Variants in DMAC2L observed in about 807,000 individuals in gnomAD.
The protein encoded by DMAC2L is ATP synthase subunit s, mitochondrial.
DMAC2L carries 21 observed loss-of-function variants against 22.5 expected under a neutral mutation model. The ratio of observed to expected loss-of-function variants is 0.93; its 90% CI spans 0.66 to 1.34. The LOEUF (loss-of-function observed/expected upper bound fraction) is 1.34. DMAC2L is among the 40% of genes most tolerant of loss of function. The pLI, the probability that DMAC2L is intolerant of heterozygous loss-of-function variation, is 0.00. For synonymous variants in DMAC2L, 86 were observed against 89.5 expected, an observed-to-expected ratio of 0.96 and a Z score of 0.22; for missense variants, 239 against 246.5, an observed-to-expected ratio of 0.97 and a Z score of 0.20.
At chr14:50,314,724 C>T (rs927783337) in intron 2 of DMAC2L, 98 bp downstream of exon 2, 1 of 431,962 alleles carries the variant, frequency 2.3e-6, no homozygotes, top group Non-Finnish European at 4.7e-6. Flanking sequence ...TCACTGCGGC[C>T]TCTGCCTCCT....
chr14:50,319,602 T>C (rs1275303264), intron 2 of DMAC2L, among the ~76,000 whole-genome samples: 1 of 152,220 alleles, frequency 6.6e-6, no homozygotes, highest in Admixed American at 6.5e-5. Flanking sequence ...AGTTACTTAA[T>C]ATCAGGGCTT....
rs142013816 is a variant in DMAC2L, at chr14:50,320,991, G to C, written c.-5-492G>C. Among the ~76,000 whole-genome samples the C allele has an allele frequency of 2.4e-3, 365 of 152,206 alleles. 1 individual carries two copies. The Middle Eastern group carries it at 0.065, about 27-fold the overall frequency. On this transcript the variant is annotated intron_variant, in intron 2 of 5. Transcript: ENST00000557421. ...CAGCTGCCCTTAAAACAGTTTTTTTGTTTACACTGCTCTGGTAACACCACT... is the reference window on the plus strand; with the variant it reads ...CAGCTGCCCTTAAAACAGTTTTTTTCTTTACACTGCTCTGGTAACACCACT...
At chr14:50,321,062 T>G (rs1413293657) in intron 2 of DMAC2L, among the ~76,000 whole-genome samples, 2 of 152,184 alleles carry the variant, frequency 1.3e-5, no homozygotes, top group Non-Finnish European at 2.9e-5. Context: ...TCCTCTTCTT[T>G]CCTGGATGCA....
Position 50,321,450 on chromosome 14 carries a change from T to A in DMAC2L, c.-5-33T>A, listed in dbSNP as rs956369649. Reference sequence around the variant, plus strand: ...TGCTATATGTATGGGACTCGGATGATGATCTAATGTAAGTACTGTTTTGTG... The same window carrying A: ...TGCTATATGTATGGGACTCGGATGAAGATCTAATGTAAGTACTGTTTTGTG... On this transcript the variant is annotated intron_variant, in intron 2 of 5. Transcript: ENST00000557421. 7 of 1,612,078 alleles carry A rather than the reference T, an allele frequency of 4.3e-6. No individual in the cohort carries two copies. The African/African-American group carries it at 9.3e-5, about 22-fold the overall frequency.
intron 1 of DMAC2L, among the ~76,000 whole-genome samples, chr14:50,314,058 C>T (rs556061393): frequency 6.6e-6 from 1 of 152,314 alleles, no homozygotes; most frequent in South Asian, 2.1e-4. Flanking sequence ...GTAGTTCCTT[C>T]CTTTTTATTA....
chr14:50,323,963 A>T lies in DMAC2L; in HGVS notation c.335A>T (p.Glu112Val). The T allele has an allele frequency of 6.2e-7, 1 of 1,610,878 alleles. No homozygotes were observed. The highest frequency in any genetic ancestry group is 8.5e-7 in the Non-Finnish European group (1 of 1,178,930). Residue 112 changes from glutamate to valine, a missense_variant, in exon 5 of 6, where the codon GAA (glutamate) becomes GTA (valine). Physicochemically the swap from Glu to Val is moderately radical, Grantham distance 121. Coordinates refer to ENST00000557421, the MANE Select transcript of DMAC2L (RefSeq NM_001382507.1). ...FDHMEGLEHV[E>V]KIRLCKCHYI... ...TCCCCAGAGGGCCTAGAGCATGTTGAAAAAATAAGGCTGTGCAAGTGTCAT... is the reference window on the plus strand; with the variant it reads ...TCCCCAGAGGGCCTAGAGCATGTTGTAAAAATAAGGCTGTGCAAGTGTCAT...
intron 1 of DMAC2L, chr14:50,312,774 C>T: frequency 1.9e-6 from 1 of 518,412 alleles, no homozygotes; most frequent in South Asian, 2.5e-5. Context: ...CTGTCCGGCC[C>T]TAATCCTCGC....
In DMAC2L at chr14:50,326,311, C is replaced by G. The variant is rs1421759714; in HGVS notation, c.*588C>G. 1 of 529,624 alleles carries G rather than the reference C, an allele frequency of 1.9e-6. No homozygotes were observed. The highest frequency in any genetic ancestry group is 2.4e-6 in the Non-Finnish European group (1 of 414,408). 32.8% of individuals were successfully genotyped at this position (529,624 alleles called of 1,614,324 possible). A position where few individuals can be genotyped will look rare whatever the true frequency, so the allele number is the denominator to read the frequency against. ...TTAATATGTAAATCTATAGATATCT[C>G]TTGATGTAGATATTTAGAATCCTTT... On this transcript the variant is annotated 3_prime_UTR_variant, in exon 6 of 6. Transcript: ENST00000557421.
chr14:50,311,580 GA>G (rs1384772127), upstream of DMAC2L: 4 of 427,224 alleles, frequency 9.4e-6, no homozygotes, highest in Middle Eastern at 3.8e-4. Flanking sequence ...ACTGATTTAA[GA>G]CTGTATTCAG....
intron 2 of DMAC2L, chr14:50,321,271 C>A: frequency 1.2e-6 from 1 of 830,656 alleles, no homozygotes; most frequent in Non-Finnish European, 1.6e-6. Flanking sequence ...CCGGAAGGAG[C>A]CTTAGACACC....
At chr14:50,325,295 C>CT (rs1009644072) in intron 5 of DMAC2L, among the ~76,000 whole-genome samples, 2 of 152,200 alleles carry the variant, frequency 1.3e-5, no homozygotes, top group African/African-American at 4.8e-5. Flanking sequence ...ACTCTAGTAT[C>CT]TAAGAATTTT....
At chr14:50,324,636 A>G (rs540955351) in intron 5 of DMAC2L, 2 of 152,462 alleles carry the variant, frequency 1.3e-5, no homozygotes, top group East Asian at 1.9e-4. Context: ...TGTGCCACCA[A>G]CCAGACCCAC....
intron 5 of DMAC2L, 137 bp from the exon 6 acceptor site, chr14:50,325,472 C>A: frequency 1.0e-6 from 1 of 997,006 alleles, no homozygotes; most frequent in Non-Finnish European, 1.4e-6. Flanking sequence ...TCTAAGGCTA[C>A]TGCTCTAAAA....
intron 2 of DMAC2L, among the ~76,000 whole-genome samples, chr14:50,317,350 G>A (rs1392010664): frequency 6.6e-6 from 1 of 152,062 alleles, no homozygotes; most frequent in Non-Finnish European, 1.5e-5. Context: ...GGGTTTTCTA[G>A]GCATACAATC....
chr14:50,316,657 T>C (rs1219439595), intron 2 of DMAC2L, among the ~76,000 whole-genome samples: 3 of 152,188 alleles, frequency 2.0e-5, no homozygotes, highest in Non-Finnish European at 4.4e-5. Context: ...GGATGTCCTT[T>C]CCCCACTTTA....
chr14:50,320,344 C>T (rs1013163611), intron 2 of DMAC2L, among the ~76,000 whole-genome samples: 6 of 152,114 alleles, frequency 3.9e-5, no homozygotes, highest in Admixed American at 1.3e-4. Flanking sequence ...ATCCTGACCT[C>T]GTGATCTGCC....
intron 4 of DMAC2L, chr14:50,323,097 T>A (rs1226485513): frequency 1.1e-6 from 1 of 930,358 alleles, no homozygotes; most frequent in African/African-American, 1.8e-5. Context: ...TTCTTTTTTT[T>A]TTTTTTGAGA....
In DMAC2L at chr14:50,315,801, C is replaced by A. The variant is rs544550530; in HGVS notation, c.-6+1175C>A. On this transcript the variant is annotated intron_variant, in intron 2 of 5. Coordinates refer to ENST00000557421, the MANE Select transcript of DMAC2L (RefSeq NM_001382507.1). ...ATATACCACAGCTTCTTTATCCACT[C>A]ATTGATTGATGGGCATTTGGGTTGG... 2.0e-4 allele frequency among the ~76,000 whole-genome samples: 31 copies of A among 151,962 alleles called. No homozygotes were observed. The South Asian group carries it at 6.2e-3, about 31-fold the overall frequency.
intron 2 of DMAC2L, among the ~76,000 whole-genome samples, chr14:50,316,850 T>G (rs139679028): frequency 3.8e-4 from 58 of 152,362 alleles, no homozygotes; most frequent in African/African-American, 1.4e-3. Context: ...TTTATCTTTT[T>G]GCTTAGTCTT....
Sources: gnomAD v4.1 joint callset for allele counts (sites outside exome capture counted in the v4.1 genomes callset) on GRCh38, gnomAD v4.1.1 for gene constraint, MANE v1.5 for transcripts, NCBI Gene and HGNC (gene_info 2026-07-23, HGNC 2026-07-21) for gene names.